The following SP1 variants were observed in gnomAD, a reference collection of about 807,000 sequenced individuals.
The protein encoded by SP1 is transcription factor Sp1.
SP1 carries 6 observed loss-of-function variants against 66.3 expected under a neutral mutation model. The ratio of observed to expected loss-of-function variants is 0.09; its 90% confidence interval spans 0.05 to 0.18. SP1 has a LOEUF of 0.18. Ranked by LOEUF, SP1 falls within the 10% of genes least tolerant of loss-of-function variation. The pLI, the probability that SP1 is intolerant of heterozygous loss-of-function variation, is 1.00. For missense variants in SP1, 848 were observed against 964.5 expected, an observed-to-expected ratio of 0.88 and a Z score of 1.60; for synonymous variants, 417 against 360.8, an observed-to-expected ratio of 1.16 and a Z score of -1.77.
intron 3 of SP1, among the ~76,000 whole-genome samples, chr12:53,399,792 C>T (rs144956363): frequency 3.9e-4 from 59 of 151,698 alleles, no homozygotes; most frequent in African/African-American, 1.3e-3. Flanking sequence ...CCACCACACC[C>T]GGCTAATTTT....
At chr12:53,407,015 A>G (rs1592571763) in intron 4 of SP1, among the ~76,000 whole-genome samples, 1 of 151,848 alleles carries the variant, frequency 6.6e-6, no homozygotes, top group Non-Finnish European at 1.5e-5. Flanking sequence ...TAGTAGAGAC[A>G]GGGTTTCACT....
intron 2 of SP1, 108 bp from the exon 3 acceptor site, chr12:53,382,002 T>C (rs1258294586): frequency 8.1e-7 from 1 of 1,230,796 alleles, no homozygotes; most frequent in South Asian, 1.5e-5. Flanking sequence ...TTTGTTTCTG[T>C]TTTTTGCTCC....
intron 3 of SP1, among the ~76,000 whole-genome samples, chr12:53,390,841 T>G (rs1008468240): frequency 2.6e-5 from 4 of 152,198 alleles, no homozygotes; most frequent in African/African-American, 7.2e-5. Flanking sequence ...TGGGGCCATT[T>G]TAGTTCTTAA....
At chr12:53,406,806 G>C in intron 4 of SP1, 53 bp downstream of exon 4, 2 of 1,468,912 alleles carry the variant, frequency 1.4e-6, no homozygotes, top group Non-Finnish European at 1.8e-6. Flanking sequence ...TAATAGATTT[G>C]GAGATAAGAG....
intron 3 of SP1, among the ~76,000 whole-genome samples, chr12:53,406,065 CTTTTTT>C (rs1170832065): frequency 2.4e-5 from 2 of 82,412 alleles, no homozygotes; most frequent in African/African-American, 3.8e-5. Context: ...TATTTTCTTT[CTTTTTT>C]TTTTTTTTTT....
chr12:53,408,025 T>C (rs1938786146), intron 4 of SP1, among the ~76,000 whole-genome samples: 1 of 141,192 alleles, frequency 7.1e-6, no homozygotes, highest in South Asian at 2.4e-4. Context: ...GGCGGGCGGA[T>C]CACCTGAGGT....
intron 2 of SP1, 146 bp downstream of exon 2, chr12:53,381,959 A>G: frequency 1.2e-6 from 1 of 813,190 alleles, no homozygotes; most frequent in Non-Finnish European, 1.7e-6. Context: ...CCCCAAAGAC[A>G]AAGGAGTTTC....
At chr12:53,380,758 C>A in intron 1 of SP1, 2 of 664,178 alleles carry the variant, frequency 3.0e-6, no homozygotes, top group Non-Finnish European at 3.7e-6. Context: ...CCCACCGTCC[C>A]GCCCTTTCCA....
At chr12:53,391,403 C>T (rs1367243409) in intron 3 of SP1, among the ~76,000 whole-genome samples, 5 of 131,138 alleles carry the variant, frequency 3.8e-5, no homozygotes, top group Non-Finnish European at 7.6e-5. Context: ...GGCTGGAGTG[C>T]AGTCTCCACC....
Position 53,406,589 on chromosome 12 carries a change from T to A in SP1, c.1680T>A (p.Asp560Glu). Residue 560 changes from aspartate (D) to glutamate (E), a missense_variant, in exon 4 of 6, where the codon GAT becomes GAA. This residue lies in a region of SP1 where 606 missense variants were observed against 589.9 expected (regional missense o/e 1.03). Transcript: ENST00000327443. ...CCTTTTCTCTCTTAATTTCAGGTGA[T>A]CATGGAGCTCAGCTTGGTCTCCATG... ...LPLAIANAPG[D>E]HGAQLGLHGA... 1 of 1,613,766 alleles carries A rather than the reference T, an allele frequency of 6.2e-7. No individual in the cohort carries two copies. The highest frequency in any genetic ancestry group is 1.7e-5 in the Admixed American group (1 of 59,956).
At chr12:53,389,024 T>TAC (rs1290907291) in intron 3 of SP1, among the ~76,000 whole-genome samples, 1 of 151,914 alleles carries the variant, frequency 6.6e-6, no homozygotes, top group Non-Finnish European at 1.5e-5. Context: ...ATAGTTATTT[T>TAC]ACTGTAAAAT....
At chr12:53,384,761 G>A (rs1040338719) in intron 3 of SP1, among the ~76,000 whole-genome samples, 3 of 151,714 alleles carry the variant, frequency 2.0e-5, no homozygotes, top group Admixed American at 6.6e-5. Context: ...GAGGCAGGTG[G>A]ATGGGTTGAG....
chr12:53,396,924 C>T (rs900532764), intron 3 of SP1, among the ~76,000 whole-genome samples: 5 of 151,930 alleles, frequency 3.3e-5, no homozygotes, highest in Admixed American at 6.6e-5. Context: ...CCACCACACC[C>T]GGCCTCTCCT....
chr12:53,381,876 C>T, intron 2 of SP1, 63 bp downstream of exon 2: 4 of 1,543,374 alleles, frequency 2.6e-6, no homozygotes, highest in South Asian at 2.4e-5. Flanking sequence ...AGATAATTGC[C>T]TTACTCTTCA....
In SP1 at chr12:53,415,301, G is replaced by A. The variant is rs376655576; in HGVS notation, c.*4061G>A. 1 of 152,428 alleles carries A rather than the reference G, an allele frequency of 6.6e-6. No homozygotes were observed. The highest frequency in any genetic ancestry group is 1.9e-4 in the East Asian group (1 of 5,178). The allele number at this position is 152,428 out of a possible 1,614,324, so 9.4% of individuals were successfully genotyped here. A position where few individuals can be genotyped will look rare whatever the true frequency, so the allele number is the denominator to read the frequency against. ...CTTTGAGGTTGACCTGTTTCTCTTT[G>A]TCTGCCTTCCCAAAACACCAGCCCC... On this transcript the variant is annotated 3_prime_UTR_variant, in exon 6 of 6. Coordinates refer to ENST00000327443, the MANE Select transcript of SP1 (RefSeq NM_138473.3).
chr12:53,397,175 C>T (rs1938509518), intron 3 of SP1, among the ~76,000 whole-genome samples: 1 of 151,568 alleles, frequency 6.6e-6, no homozygotes, highest in African/African-American at 2.4e-5. Flanking sequence ...CCACGCCTGG[C>T]TAATTTTTGT....
chr12:53,395,613 A>C (rs1938470978), intron 3 of SP1, among the ~76,000 whole-genome samples: 1 of 152,142 alleles, frequency 6.6e-6, no homozygotes, highest in Non-Finnish European at 1.5e-5. Flanking sequence ...GATTTAGCAA[A>C]ATTTATTGAA....
intron 1 of SP1, 89 bp downstream of exon 1, chr12:53,380,387 G>C: frequency 8.5e-7 from 1 of 1,181,990 alleles, no homozygotes; most frequent in East Asian, 3.2e-5. Context: ...GCCGTGAAGC[G>C]GGGGCGGGCG....
At chr12:53,397,447 T>C (rs1156638730) in intron 3 of SP1, among the ~76,000 whole-genome samples, 3 of 149,728 alleles carry the variant, frequency 2.0e-5, no homozygotes, top group African/African-American at 2.5e-5. Context: ...CTAAACACTA[T>C]ATAGGATAAT....
Sources: gnomAD v4.1 joint callset for allele counts (sites outside exome capture counted in the v4.1 genomes callset) on GRCh38, gnomAD v4.1.1 for gene constraint, gnomAD v4.1.1 regional missense constraint, MANE v1.5 for transcripts, NCBI Gene and HGNC (gene_info 2026-07-23, HGNC 2026-07-21) for gene names.